Variants in PRKCA observed in about 807,000 individuals in gnomAD.
PRKCA encodes protein kinase C alpha type.
In PRKCA, 27 loss-of-function variants were observed where a neutral mutation model predicts 87.0. That is an observed-to-expected ratio of 0.31 (90% confidence interval 0.23 to 0.43). The LOEUF is 0.43. PRKCA is among the 20% of genes least tolerant of loss of function. The pLI is 1.00. For synonymous variants in PRKCA, 329 were observed against 311.1 expected (o/e 1.06, Z -0.61); for missense variants, 518 against 852.3 (o/e 0.61, Z 4.88).
chr17:66,771,963 A>AT (rs1165032035), intron 13 of PRKCA, among the ~76,000 whole-genome samples: 1 of 152,066 alleles, frequency 6.6e-6, no homozygotes, highest in Non-Finnish European at 1.5e-5. Context: ...GGCTTCTGGA[A>AT]TTTTTTTTAA....
At chr17:66,519,008 A>G (rs76545009) in intron 3 of PRKCA, among the ~76,000 whole-genome samples, 5,389 of 152,302 alleles carry the variant, frequency 0.035, 128 homozygotes, top group Non-Finnish European at 0.051. Context: ...AGGTTACACT[A>G]AAGACATTTA....
chr17:66,638,179 G>A (rs758055553), intron 3 of PRKCA: 8 of 151,328 alleles, frequency 5.3e-5, no homozygotes, highest in African/African-American at 1.2e-4. Context: ...ATAAAAATGC[G>A]TTGTAAATAT....
chr17:66,375,092 G>C (rs764541658), intron 2 of PRKCA, among the ~76,000 whole-genome samples: 2 of 152,050 alleles, frequency 1.3e-5, no homozygotes, highest in Non-Finnish European at 2.9e-5. Flanking sequence ...GCAGCCTTGA[G>C]GGGGGTAATA....
chr17:66,686,215 C>G (rs1972622881), intron 5 of PRKCA, among the ~76,000 whole-genome samples: 1 of 152,198 alleles, frequency 6.6e-6, no homozygotes. Context: ...CCTCTGCCAG[C>G]TCTTAAATCT....
At chr17:66,541,465 G>C (rs1355365981) in intron 3 of PRKCA, among the ~76,000 whole-genome samples, 2 of 152,186 alleles carry the variant, frequency 1.3e-5, no homozygotes, top group African/African-American at 4.8e-5. Flanking sequence ...CAGTTGACTG[G>C]GATTGAAAGC....
At chr17:66,501,857 G>C (rs914261255) in intron 3 of PRKCA, among the ~76,000 whole-genome samples, 1 of 152,202 alleles carries the variant, frequency 6.6e-6, no homozygotes, top group Non-Finnish European at 1.5e-5. Context: ...TAGTGAGCCT[G>C]GCTTTGCTCT....
At chr17:66,739,459 C>CT (rs1294044013) in intron 11 of PRKCA, among the ~76,000 whole-genome samples, 1 of 152,218 alleles carries the variant, frequency 6.6e-6, no homozygotes, top group Admixed American at 6.5e-5. Flanking sequence ...GCACCAGGCA[C>CT]TGGGGTTGCG....
chr17:66,459,085 G>A (rs545451191), intron 2 of PRKCA, among the ~76,000 whole-genome samples: 121 of 152,088 alleles, frequency 8.0e-4, no homozygotes, highest in African/African-American at 2.8e-3. Flanking sequence ...AAAAAAAAGG[G>A]ATAATGATTG....
intron 2 of PRKCA, among the ~76,000 whole-genome samples, chr17:66,437,731 T>TTTTTTTTTGGGTGG (rs55779501): frequency 9.0e-5 from 1 of 11,164 alleles, no homozygotes; most frequent in African/African-American, 3.9e-4. Flanking sequence ...TTTTTTTTTT[T>TTTTTTTTTGGGTGG]GAGCGGGGGG....
At chr17:66,779,141 T>C (rs1975139886) in intron 14 of PRKCA, among the ~76,000 whole-genome samples, 2 of 152,292 alleles carry the variant, frequency 1.3e-5, no homozygotes, top group African/African-American at 2.4e-5. Flanking sequence ...ATGTTGTTAT[T>C]GAAAAGTAAG....
intron 13 of PRKCA, among the ~76,000 whole-genome samples, chr17:66,768,087 G>A (rs1419226869): frequency 6.6e-6 from 1 of 152,090 alleles, no homozygotes; most frequent in Non-Finnish European, 1.5e-5. Flanking sequence ...GGGATTACAG[G>A]TGTGTGCCAC....
At chr17:66,533,128 A>G (rs1967624956) in intron 3 of PRKCA, among the ~76,000 whole-genome samples, 1 of 152,142 alleles carries the variant, frequency 6.6e-6, no homozygotes, top group Non-Finnish European at 1.5e-5. Context: ...TACCTTTTTG[A>G]TTCCTACACT....
intron 11 of PRKCA, 150 bp from the exon 12 acceptor site, chr17:66,741,509 G>C (rs1974158121): frequency 1.4e-6 from 1 of 690,298 alleles, no homozygotes; most frequent in Admixed American, 2.7e-5. Flanking sequence ...GATGGAGGGA[G>C]GACCGGGGGT....
At chr17:66,724,397 A>G (rs1200684351) in intron 8 of PRKCA, among the ~76,000 whole-genome samples, 2 of 151,938 alleles carry the variant, frequency 1.3e-5, no homozygotes, top group African/African-American at 4.8e-5. Flanking sequence ...CAGCACTGAG[A>G]GCCATGGGGG....
rs1969135022 is a variant in PRKCA at position 66,573,361 on chromosome 17, C to T, written c.289-67994C>T. On this transcript the variant is annotated intron_variant, in intron 3 of 16. Coordinates refer to ENST00000413366, the MANE Select transcript of PRKCA (RefSeq NM_002737.3). Reference sequence around the variant, plus strand: ...GCTATGAGCAACAGATAGAGGCCAACTTTAAAATCTCCATGACTGAATTAT... The same window carrying T: ...GCTATGAGCAACAGATAGAGGCCAATTTTAAAATCTCCATGACTGAATTAT... 2.0e-5 allele frequency among the ~76,000 whole-genome samples: 3 copies of T among 152,136 alleles called. No homozygotes were observed. The South Asian group carries it at 6.2e-4, about 32-fold the overall frequency.
At chr17:66,688,823 A>AG in intron 7 of PRKCA, 128 bp from the exon 8 acceptor site, 1 of 665,628 alleles carries the variant, frequency 1.5e-6, no homozygotes, top group East Asian at 2.9e-5. Context: ...ATGTAAAAAA[A>AG]GTCAAATGTC....
At chr17:66,611,601 G>A (rs1598813090) in intron 3 of PRKCA, among the ~76,000 whole-genome samples, 1 of 152,338 alleles carries the variant, frequency 6.6e-6, no homozygotes, top group Middle Eastern at 3.4e-3. Context: ...GGACATTTAG[G>A]TTGTCTCTAC....
chr17:66,490,746 A>C (rs977369028), intron 2 of PRKCA, among the ~76,000 whole-genome samples: 1 of 152,026 alleles, frequency 6.6e-6, no homozygotes, highest in African/African-American at 2.4e-5. Flanking sequence ...ATGCCTTGCT[A>C]ATTTTTGTAT....
chr17:66,571,285 T>G (rs1190296576), intron 3 of PRKCA, among the ~76,000 whole-genome samples: 1 of 152,252 alleles, frequency 6.6e-6, no homozygotes, highest in Admixed American at 6.5e-5. Flanking sequence ...CTGACCATTT[T>G]GGATGGTTGA....
Sources: allele counts gnomAD v4.1 joint callset (sites outside exome capture counted in the v4.1 genomes callset), GRCh38; gene constraint gnomAD v4.1.1; transcripts MANE v1.5; gene names NCBI Gene and HGNC (gene_info 2026-07-23, HGNC 2026-07-21).